The following RP1 variants were observed in gnomAD, a reference collection of about 807,000 sequenced individuals.
RP1 encodes the protein oxygen-regulated protein 1.
Under a neutral mutation model 14.8 loss-of-function variants are expected in RP1, and 16 were observed. The observed-to-expected ratio is 1.08, with a 90% CI of 0.73 to 1.65. The LOEUF is 1.65. Among genes scored for constraint, RP1 ranks in the 40% most tolerant of loss-of-function variants. The pLI is 0.00. For missense variants in RP1, 2,631 were observed against 2,535.0 expected, an observed-to-expected ratio of 1.04 and a Z score of -0.81; for synonymous variants, 876 against 883.6, an observed-to-expected ratio of 0.99 and a Z score of 0.15.
At chr8:54,651,508 A>G (rs984354014) in intron 4 of RP1, among the ~76,000 whole-genome samples, 1 of 151,780 alleles carries the variant, frequency 6.6e-6, no homozygotes, top group South Asian at 2.1e-4. Context: ...GTGTGTTTCT[A>G]TAGATTTGTC....
intron 12 of RP1, among the ~76,000 whole-genome samples, chr8:54,693,041 G>T (rs988105462): frequency 6.6e-6 from 1 of 152,022 alleles, no homozygotes; most frequent in Non-Finnish European, 1.5e-5. Context: ...CATATGGCCA[G>T]CCAGTTTTCC....
At chr8:54,724,630 A>T (rs1409663490) in intron 16 of RP1, among the ~76,000 whole-genome samples, 1 of 152,114 alleles carries the variant, frequency 6.6e-6, no homozygotes, top group African/African-American at 2.4e-5. Context: ...GGTTGCTACA[A>T]TTCAGAGTAT....
At chr8:54,569,112 C>A (rs971390153) in intron 1 of RP1, among the ~76,000 whole-genome samples, 1 of 152,286 alleles carries the variant, frequency 6.6e-6, no homozygotes, top group Non-Finnish European at 1.5e-5. Flanking sequence ...CCCAAAGTTA[C>A]GTTCCCAGGA....
At chr8:54,755,741 A>G in exon 21 of RP1, 1 of 1,527,462 alleles carries the variant, frequency 6.5e-7, no homozygotes, top group South Asian at 1.2e-5. Context: ...GTACAAATCT[A>G]ACATGCAAGT....
chr8:54,694,403 C>T (rs957832221), intron 12 of RP1, among the ~76,000 whole-genome samples: 2 of 152,174 alleles, frequency 1.3e-5, no homozygotes, highest in African/African-American at 4.8e-5. Context: ...GGTACCAGCT[C>T]CTCCTTGTAG....
exon 15 of RP1, chr8:54,706,464 G>A (rs1342159095): frequency 3.5e-5 from 54 of 1,535,838 alleles, no homozygotes; most frequent in Non-Finnish European, 4.0e-5. Flanking sequence ...CAACAGTGCT[G>A]TGGTTCTGCT....
In RP1 at chr8:54,627,900, A is replaced by G. The variant is rs1408844390; in HGVS notation, c.4018A>G (p.Asn1340Asp). The change falls in exon 4 of 4, where the codon AAT becomes GAT. Residue 1340 changes from asparagine to aspartate, a missense_variant. By Grantham distance (23) the Asn-to-Asp change is conservative (BLOSUM62 1). Coordinates refer to ENST00000220676, the MANE Select transcript of RP1 (RefSeq NM_006269.2). ...GACCTACGTTCCTGTCAATGTCTGC[A>G]ATACCATTGACTTTTTAAACTCCAA... The part of the protein sequence containing the change: ...DETYVPVNVC[N>D]TIDFLNSKEN... The G allele has an allele frequency of 6.2e-7, 1 of 1,614,158 alleles. No individual in the cohort carries two copies. The highest frequency in any genetic ancestry group is 1.7e-5 in the Admixed American group (1 of 60,018).
At chr8:54,609,823 G>A (rs1585548511) in intron 1 of RP1, among the ~76,000 whole-genome samples, 1 of 152,264 alleles carries the variant, frequency 6.6e-6, no homozygotes, top group Non-Finnish European at 1.5e-5. Flanking sequence ...ATACACCTCT[G>A]TTGTGCATTA....
chr8:54,656,422 C>T (rs1806756273), intron 6 of RP1, among the ~76,000 whole-genome samples: 1 of 152,016 alleles, frequency 6.6e-6, no homozygotes, highest in Admixed American at 6.6e-5. Flanking sequence ...TTGTCAACAG[C>T]CCTATAGGAA....
At chr8:54,721,477 A>C (rs1368887256) in intron 16 of RP1, among the ~76,000 whole-genome samples, 2 of 152,230 alleles carry the variant, frequency 1.3e-5, no homozygotes, top group Non-Finnish European at 2.9e-5. Flanking sequence ...AATGACCAGA[A>C]AGCAGGTAGA....
intron 13 of RP1, chr8:54,701,465 T>G (rs888683037): frequency 4.7e-6 from 7 of 1,488,326 alleles, no homozygotes; most frequent in Non-Finnish European, 5.3e-6. Context: ...ATTTAGAGGG[T>G]TTTTTTGTTT....
At chr8:54,632,288 A>G (rs1221135033), downstream of RP1, among the ~76,000 whole-genome samples, 1 of 152,242 alleles carries the variant, frequency 6.6e-6, no homozygotes, top group Non-Finnish European at 1.5e-5. Flanking sequence ...AGGAGGTTTC[A>G]AGAAATATGG....
Position 54,630,600 on chromosome 8 carries a change from A to AT in RP1, c.*261dup, listed in dbSNP as rs10654889. ...CTATCTGGTTTTGTTCTGAACTTAC[A>AT]TTTTTTTTTTTTTTGGTATCTATGA... is the stretch of plus-strand genomic sequence containing the variant. On this transcript the variant is annotated 3_prime_UTR_variant, in exon 4 of 4. Transcript: ENST00000220676. 165,674 of 1,013,636 alleles carry AT rather than the reference A, an allele frequency of 0.16. 1,102 individuals carry two copies. Among genetic ancestry groups the AT allele is most frequent in the Non-Finnish European group, 0.17 (138,845 of 815,838 alleles). 62.8% of individuals were successfully genotyped at this position (1,013,636 alleles called of 1,614,324 possible).
At chr8:54,825,102 T>G (rs1240385225) in intron 24 of RP1, among the ~76,000 whole-genome samples, 4 of 152,086 alleles carry the variant, frequency 2.6e-5, no homozygotes, top group Non-Finnish European at 5.9e-5. Context: ...CCCGAGTAGC[T>G]GGGACTACAG....
At chr8:54,666,281 A>G in intron 7 of RP1, among the ~76,000 whole-genome samples, 1 of 152,040 alleles carries the variant, frequency 6.6e-6, no homozygotes. Flanking sequence ...AAGAAAGTGC[A>G]AGTCCAACCT....
At chr8:54,690,112 T>C (rs1022411777) in intron 12 of RP1, among the ~76,000 whole-genome samples, 1 of 152,052 alleles carries the variant, frequency 6.6e-6, no homozygotes, top group Non-Finnish European at 1.5e-5. Flanking sequence ...TCCCTTTGAA[T>C]AGATAAAAAT....
intron 5 of RP1, among the ~76,000 whole-genome samples, chr8:54,654,933 C>T (rs1474877124): frequency 6.6e-6 from 1 of 152,176 alleles, no homozygotes; most frequent in East Asian, 1.9e-4. Flanking sequence ...AGGTGTGAGC[C>T]ACTGTGCCTG....
intron 12 of RP1, among the ~76,000 whole-genome samples, chr8:54,694,332 A>G (rs1027038071): frequency 1.7e-4 from 26 of 152,196 alleles, no homozygotes; most frequent in Non-Finnish European, 3.2e-4. Context: ...TGCTGGCCTC[A>G]TAAAATGAGT....
intron 1 of RP1, among the ~76,000 whole-genome samples, chr8:54,578,931 C>G (rs1281949153): frequency 6.6e-6 from 1 of 152,194 alleles, no homozygotes; most frequent in South Asian, 2.1e-4. Context: ...CCTCATCCCC[C>G]TTCTTAGAAA....
Sources: gnomAD v4.1 joint callset for allele counts (sites outside exome capture counted in the v4.1 genomes callset) on GRCh38, gnomAD v4.1.1 for gene constraint, MANE v1.5 for transcripts, NCBI Gene and HGNC (gene_info 2026-07-23, HGNC 2026-07-21) for gene names.